The following CARMIL1 variants were observed in gnomAD, a reference collection of about 807,000 sequenced individuals.
CARMIL1 encodes capping protein regulator and myosin 1 linker 1.
CARMIL1 carries 90 observed loss-of-function variants against 177.1 expected under a neutral mutation model. The observed-to-expected ratio is 0.51, with a 90% confidence interval of 0.43 to 0.61. The LOEUF (loss-of-function observed/expected upper bound fraction) is 0.61. Among genes scored for constraint, CARMIL1 ranks in the 20% least tolerant of loss-of-function variants. The pLI is 0.00. For missense variants in CARMIL1, 1,380 were observed against 1,667.0 expected (o/e 0.83, Z 3.00); for synonymous variants, 577 against 606.2 (o/e 0.95, Z 0.71).
chr6:25,453,239 T>G (rs913855751), intron 8 of CARMIL1, among the ~76,000 whole-genome samples: 7 of 150,640 alleles, frequency 4.6e-5, no homozygotes, highest in African/African-American at 1.7e-4. Context: ...AGATACAATT[T>G]TACTATTGGA....
At chr6:25,426,864 T>C (rs191335428) in intron 4 of CARMIL1, among the ~76,000 whole-genome samples, 1 of 152,196 alleles carries the variant, frequency 6.6e-6, no homozygotes, top group African/African-American at 2.4e-5. Context: ...GCATAGCAAT[T>C]GTATAGTACT....
chr6:25,413,868 T>G (rs1223557919), intron 2 of CARMIL1, among the ~76,000 whole-genome samples: 1 of 152,200 alleles, frequency 6.6e-6, no homozygotes, highest in African/African-American at 2.4e-5. Flanking sequence ...AGATGTGCAT[T>G]GAACAGAAAA....
At chr6:25,421,097 C>T (rs72831248) in intron 3 of CARMIL1, among the ~76,000 whole-genome samples, 20,481 of 152,234 alleles carry the variant, frequency 0.13, 1,547 homozygotes, top group Non-Finnish European at 0.17. Flanking sequence ...GGGAGGCTGG[C>T]TGCAAAGCCT....
At chr6:25,289,617 T>G (rs986189029) in intron 2 of CARMIL1, among the ~76,000 whole-genome samples, 1 of 152,218 alleles carries the variant, frequency 6.6e-6, no homozygotes, top group African/African-American at 2.4e-5. Flanking sequence ...CCCACTTCTC[T>G]GATCCCTGGT....
chr6:25,537,829 G>C, intron 24 of CARMIL1, 26 bp from the exon 25 acceptor site: 1 of 1,609,204 alleles, frequency 6.2e-7, no homozygotes, highest in Non-Finnish European at 8.5e-7. Flanking sequence ...TGACTTGGAT[G>C]CTTGCCTTTT....
At chr6:25,547,651 A>G (rs564028619) in intron 26 of CARMIL1, among the ~76,000 whole-genome samples, 3 of 152,240 alleles carry the variant, frequency 2.0e-5, no homozygotes, top group Admixed American at 6.5e-5. Flanking sequence ...GGACTTCACA[A>G]TTGCCACCAG....
intron 2 of CARMIL1, among the ~76,000 whole-genome samples, chr6:25,374,460 G>T (rs77439323): frequency 0.019 from 2,843 of 152,278 alleles, 37 homozygotes; most frequent in Non-Finnish European, 0.027. Flanking sequence ...ATGTGTCTTG[G>T]AGAATGGTCC....
chr6:25,575,575 G>C (rs1313697355), intron 29 of CARMIL1, among the ~76,000 whole-genome samples: 1 of 152,190 alleles, frequency 6.6e-6, no homozygotes, highest in Non-Finnish European at 1.5e-5. Flanking sequence ...TGTTAGGACA[G>C]GGCAGGAGTC....
At chr6:25,546,594 G>A (rs1189040743) in intron 26 of CARMIL1, among the ~76,000 whole-genome samples, 1 of 151,250 alleles carries the variant, frequency 6.6e-6, no homozygotes, top group Non-Finnish European at 1.5e-5. Context: ...CAGCAAGGTG[G>A]GAGTGAGCTA....
chr6:25,353,424 A>G (rs1489357719), intron 2 of CARMIL1, among the ~76,000 whole-genome samples: 2 of 152,090 alleles, frequency 1.3e-5, no homozygotes, highest in Admixed American at 6.5e-5. Flanking sequence ...TTGTTTTCTG[A>G]TCTTTGTTTA....
intron 35 of CARMIL1, among the ~76,000 whole-genome samples, chr6:25,608,854 C>A (rs1816242633): frequency 6.6e-6 from 1 of 152,180 alleles, no homozygotes; most frequent in Admixed American, 6.5e-5. Flanking sequence ...AACTTAAGAA[C>A]CACCTTGCTG....
At chr6:25,444,147 A>G (rs1417724405) in intron 5 of CARMIL1, among the ~76,000 whole-genome samples, 4 of 152,154 alleles carry the variant, frequency 2.6e-5, no homozygotes, top group East Asian at 1.9e-4. Context: ...TACCACATCA[A>G]TTGACCCTTT....
At chr6:25,305,130 CTTTG>C (rs1783161851) in intron 2 of CARMIL1, among the ~76,000 whole-genome samples, 1 of 152,094 alleles carries the variant, frequency 6.6e-6, no homozygotes, top group Non-Finnish European at 1.5e-5. Context: ...AGACATTGGA[CTTTG>C]TTTGCTTGTC....
chr6:25,423,197 GATTA>G (rs1323478628), intron 3 of CARMIL1, among the ~76,000 whole-genome samples: 7 of 152,184 alleles, frequency 4.6e-5, no homozygotes, highest in African/African-American at 1.2e-4. Flanking sequence ...TTTGGAAGCT[GATTA>G]ATTAAACATC....
At chr6:25,320,451 C>G (rs187166673) in intron 2 of CARMIL1, among the ~76,000 whole-genome samples, 1 of 152,344 alleles carries the variant, frequency 6.6e-6, no homozygotes, top group East Asian at 1.9e-4. Flanking sequence ...TTTATTTGGA[C>G]TAAATGGAAA....
intron 20 of CARMIL1, 34 bp downstream of exon 20, chr6:25,510,796 T>G (rs1385817036): frequency 7.7e-7 from 1 of 1,296,084 alleles, no homozygotes; most frequent in Admixed American, 2.2e-5. Context: ...ACTAAAATCT[T>G]CTGTTTGTTG....
chr6:25,387,927 C>G (rs1028698814), intron 2 of CARMIL1, among the ~76,000 whole-genome samples: 5 of 152,046 alleles, frequency 3.3e-5, no homozygotes, highest in Admixed American at 1.3e-4. Context: ...CAAATGGACT[C>G]TGTCATTTTG....
In CARMIL1 at chr6:25,488,493, C is replaced by A. The variant is rs752416627; in HGVS notation, c.973C>A (p.Leu325Ile). The A allele has an allele frequency of 2.5e-6, 4 of 1,613,866 alleles. No homozygotes were observed. The highest frequency in any genetic ancestry group is 3.4e-6 in the Non-Finnish European group (4 of 1,179,752). The change falls in exon 13 of 37, where the codon CTT becomes ATT. Residue 325 changes from leucine to isoleucine, a missense_variant. Leu to Ile is a conservative substitution (Grantham distance 5). Coordinates refer to ENST00000329474, the MANE Select transcript of CARMIL1 (RefSeq NM_017640.6). The stretch of plus-strand genomic sequence containing the variant: ...TCTTGATGTTGCAGGGGTGAACAGC[C>A]TTTCTCAGTCACTCAGTGCCAATCC... Reference protein sequence around the residue: ...TSLSPKGVNSLSQSLSANPLT... With the variant: ...TSLSPKGVNSISQSLSANPLT...
intron 11 of CARMIL1, among the ~76,000 whole-genome samples, chr6:25,481,944 CT>C (rs1213843189): frequency 6.6e-6 from 1 of 152,148 alleles, no homozygotes; most frequent in East Asian, 1.9e-4. Flanking sequence ...AACAATTATC[CT>C]TTCCAAGAGG....
Sources: gnomAD v4.1 joint callset for allele counts (sites outside exome capture counted in the v4.1 genomes callset) on GRCh38, gnomAD v4.1.1 for gene constraint, MANE v1.5 for transcripts, NCBI Gene and HGNC (gene_info 2026-07-23, HGNC 2026-07-21) for gene names.